Variants in TENM2 observed in about 807,000 individuals in gnomAD.
The protein encoded by TENM2 is teneurin-2.
Under a neutral mutation model 245.2 loss-of-function variants are expected in TENM2, and 52 were observed. The observed-to-expected ratio is 0.21, with a 90% confidence interval of 0.17 to 0.27. TENM2 has a LOEUF of 0.27. Among genes scored for constraint, TENM2 ranks in the 10% least tolerant of loss-of-function variants. TENM2 has a pLI of 1.00. For synonymous variants in TENM2, 1,363 were observed against 1,438.9 expected, an observed-to-expected ratio of 0.95 and a Z score of 1.19; for missense variants, 3,046 against 3,666.8, an observed-to-expected ratio of 0.83 and a Z score of 4.37.
chr5:167,050,328 T>C, the TENM2 span, among the ~76,000 whole-genome samples: 51,596 of 151,916 alleles, frequency 0.34, 10,080 homozygotes, highest in Non-Finnish European at 0.46. Context: ...GGATCTACGT[T>C]ACATGCTCCG....
the TENM2 span, among the ~76,000 whole-genome samples, chr5:167,170,944 A>T: frequency 6.6e-6 from 1 of 151,948 alleles, no homozygotes; most frequent in East Asian, 1.9e-4. Flanking sequence ...CTTGGTTATC[A>T]CTTTTGATTC....
intron 2 of TENM2, among the ~76,000 whole-genome samples, chr5:167,857,897 G>C (rs1174639360): frequency 6.6e-6 from 1 of 152,122 alleles, no homozygotes; most frequent in Non-Finnish European, 1.5e-5. Flanking sequence ...TTAGACTCAG[G>C]TCACTAACTT....
At chr5:167,329,445 G>A (rs1026610126) in intron 1 of TENM2, among the ~76,000 whole-genome samples, 66 of 149,726 alleles carry the variant, frequency 4.4e-4, no homozygotes, top group Non-Finnish European at 5.9e-4. Context: ...CCAGCTACCC[G>A]GGAGGCTGAG....
chr5:167,718,059 A>G (rs1759384766), intron 2 of TENM2, among the ~76,000 whole-genome samples: 1 of 152,198 alleles, frequency 6.6e-6, no homozygotes, highest in Admixed American at 6.5e-5. Context: ...GCATGCATAT[A>G]TGAATTGGAT....
At chr5:167,691,313 G>A (rs936957509) in intron 2 of TENM2, among the ~76,000 whole-genome samples, 3 of 152,098 alleles carry the variant, frequency 2.0e-5, no homozygotes, top group Admixed American at 6.6e-5. Context: ...TCTGACTGCA[G>A]AAATACTCTC....
At chr5:167,096,113 C>T in the TENM2 span, among the ~76,000 whole-genome samples, 1 of 151,960 alleles carries the variant, frequency 6.6e-6, no homozygotes, top group Non-Finnish European at 1.5e-5. Flanking sequence ...TTGTGTGTTT[C>T]ATTTTATTTA....
intron 2 of TENM2, among the ~76,000 whole-genome samples, chr5:167,437,859 C>T (rs1230249614): frequency 6.6e-6 from 1 of 152,184 alleles, no homozygotes; most frequent in Non-Finnish European, 1.5e-5. Context: ...GAGGCCTCCG[C>T]AGCCACGTGG....
At chr5:167,962,804 C>G (rs1031712749) in intron 4 of TENM2, among the ~76,000 whole-genome samples, 1 of 152,116 alleles carries the variant, frequency 6.6e-6, no homozygotes, top group East Asian at 1.9e-4. Context: ...GTAACCGCCC[C>G]CATGATTAAG....
intron 9 of TENM2, among the ~76,000 whole-genome samples, chr5:168,098,904 C>T (rs1487729530): frequency 6.6e-6 from 1 of 152,000 alleles, no homozygotes; most frequent in Non-Finnish European, 1.5e-5. Context: ...TTTTCTATTT[C>T]ATTTTTTATT....
intron 2 of TENM2, among the ~76,000 whole-genome samples, chr5:167,384,690 G>A (rs565285150): frequency 1.1e-4 from 14 of 126,072 alleles, no homozygotes; most frequent in African/African-American, 2.9e-4. Context: ...GATACAGCGC[G>A]TGCACACGCG....
At chr5:166,984,728 C>G in the TENM2 span, among the ~76,000 whole-genome samples, 1 of 151,996 alleles carries the variant, frequency 6.6e-6, no homozygotes, top group East Asian at 1.9e-4. Flanking sequence ...CTAGTCCAAA[C>G]AGTAAATATC....
chr5:168,040,397 T>C (rs1788081593), intron 5 of TENM2, among the ~76,000 whole-genome samples: 2 of 152,196 alleles, frequency 1.3e-5, no homozygotes, highest in Admixed American at 6.5e-5. Context: ...TGCAACCATT[T>C]GGAGCTGCAA....
At chr5:167,639,716 C>T (rs1261219773) in intron 2 of TENM2, among the ~76,000 whole-genome samples, 2 of 151,580 alleles carry the variant, frequency 1.3e-5, no homozygotes, top group Non-Finnish European at 2.9e-5. Flanking sequence ...TATCATCTCA[C>T]CCAATCTTAT....
intron 9 of TENM2, among the ~76,000 whole-genome samples, chr5:168,105,262 C>G (rs1226516141): frequency 6.6e-6 from 1 of 152,126 alleles, no homozygotes; most frequent in Non-Finnish European, 1.5e-5. Context: ...ATGCAGAGGG[C>G]TGTGTAGGAC....
At chr5:168,140,418 T>C (rs1755438278) in intron 12 of TENM2, among the ~76,000 whole-genome samples, 1 of 152,190 alleles carries the variant, frequency 6.6e-6, no homozygotes, top group Non-Finnish European at 1.5e-5. Flanking sequence ...CCTGCCACCC[T>C]TTTCAGCTTA....
chr5:167,023,834 G>A, the TENM2 span, among the ~76,000 whole-genome samples: 1 of 152,072 alleles, frequency 6.6e-6, no homozygotes, highest in Non-Finnish European at 1.5e-5. Context: ...TAGATTCAGC[G>A]GCACTTTTCT....
At chr5:167,726,323 C>G (rs1016549407) in intron 2 of TENM2, among the ~76,000 whole-genome samples, 4 of 152,164 alleles carry the variant, frequency 2.6e-5, no homozygotes, top group African/African-American at 9.7e-5. Flanking sequence ...GCCCTTAACT[C>G]TCTAATTTCA....
intron 27 of TENM2, among the ~76,000 whole-genome samples, chr5:168,250,753 G>A (rs994458158): frequency 3.2e-4 from 48 of 152,054 alleles, no homozygotes; most frequent in African/African-American, 1.1e-3. Context: ...CTCCTCCCCC[G>A]TGCCTCATCG....
the TENM2 span, among the ~76,000 whole-genome samples, chr5:167,009,703 C>T: frequency 1.3e-5 from 2 of 151,744 alleles, no homozygotes; most frequent in African/African-American, 2.4e-5. Context: ...TTTTTTTTCC[C>T]ACTGATCACA....
Sources: gnomAD v4.1 joint callset for allele counts (sites outside exome capture counted in the v4.1 genomes callset) on GRCh38, gnomAD v4.1.1 for gene constraint, MANE v1.5 for transcripts, NCBI Gene and HGNC (gene_info 2026-07-23, HGNC 2026-07-21) for gene names.